The following SPOCK3 variants were observed in gnomAD, a reference collection of about 807,000 sequenced individuals.
The protein encoded by SPOCK3 is testican-3.
Under a neutral mutation model 56.6 loss-of-function variants are expected in SPOCK3, and 30 were observed. The ratio of observed to expected loss-of-function variants is 0.53; its 90% CI spans 0.40 to 0.72. SPOCK3 has a LOEUF of 0.72. SPOCK3 is among the 30% of genes least tolerant of loss of function. SPOCK3 has a pLI of 0.00. For synonymous variants in SPOCK3, 196 were observed against 183.3 expected (o/e 1.07, Z -0.56); for missense variants, 527 against 530.0 (o/e 0.99, Z 0.06).
At chr4:166,836,268 A>C (rs1466873338) in intron 6 of SPOCK3, among the ~76,000 whole-genome samples, 1 of 152,224 alleles carries the variant, frequency 6.6e-6, no homozygotes, top group East Asian at 1.9e-4. Flanking sequence ...AGAACAAAAC[A>C]GTGCAAGAAT....
At chr4:167,044,446 T>TTAG in intron 3 of SPOCK3, among the ~76,000 whole-genome samples, 1 of 145,760 alleles carries the variant, frequency 6.9e-6, no homozygotes, top group Non-Finnish European at 1.5e-5. Flanking sequence ...TACTCTATTA[T>TTAG]TTTTTTCTCC....
intron 4 of SPOCK3, among the ~76,000 whole-genome samples, chr4:166,969,278 C>T (rs1215465380): frequency 6.6e-6 from 1 of 152,122 alleles, no homozygotes; most frequent in Non-Finnish European, 1.5e-5. Flanking sequence ...GGAAGGCATG[C>T]TTGTGCTTTG....
chr4:167,198,035 A>G (rs748793021), intron 2 of SPOCK3, among the ~76,000 whole-genome samples: 4 of 152,008 alleles, frequency 2.6e-5, no homozygotes, highest in Non-Finnish European at 5.9e-5. Context: ...GTCCATCTTT[A>G]TGATATATAA....
At chr4:167,134,015 CCTTTTT>C (rs1236885264) in intron 2 of SPOCK3, among the ~76,000 whole-genome samples, 2 of 147,956 alleles carry the variant, frequency 1.4e-5, no homozygotes, top group Non-Finnish European at 1.5e-5. Context: ...AACTTTTACA[CCTTTTT>C]CTTTTTTTTT....
At chr4:166,825,563 T>C (rs1357540277) in intron 6 of SPOCK3, among the ~76,000 whole-genome samples, 1 of 151,998 alleles carries the variant, frequency 6.6e-6, no homozygotes, top group Non-Finnish European at 1.5e-5. Context: ...AAGAAATCAT[T>C]ACATGAAAAA....
At chr4:166,837,190 T>G (rs1319826741) in intron 6 of SPOCK3, among the ~76,000 whole-genome samples, 1 of 152,232 alleles carries the variant, frequency 6.6e-6, no homozygotes, top group East Asian at 1.9e-4. Context: ...GATTCTTGGC[T>G]GATTTTAGGT....
chr4:166,871,063 T>C (rs181493070), intron 6 of SPOCK3, among the ~76,000 whole-genome samples: 146 of 152,196 alleles, frequency 9.6e-4, no homozygotes, highest in African/African-American at 3.4e-3. Context: ...CGTGAGTCAA[T>C]TGAACCTCTT....
intron 3 of SPOCK3, among the ~76,000 whole-genome samples, chr4:167,058,808 G>C (rs1423932337): frequency 6.6e-6 from 1 of 152,134 alleles, no homozygotes; most frequent in African/African-American, 2.4e-5. Flanking sequence ...CAGAGATATA[G>C]ATCAATGGAA....
chr4:167,209,304 G>A (rs965692234), intron 2 of SPOCK3, among the ~76,000 whole-genome samples: 2 of 152,050 alleles, frequency 1.3e-5, no homozygotes, highest in Non-Finnish European at 2.9e-5. Flanking sequence ...TTAAATTGAA[G>A]CAAATATGTT....
chr4:166,896,803 C>T (rs1735433143), intron 5 of SPOCK3, among the ~76,000 whole-genome samples: 1 of 152,194 alleles, frequency 6.6e-6, no homozygotes, highest in Non-Finnish European at 1.5e-5. Flanking sequence ...TACATTCTTG[C>T]TGCCTTCCTC....
chr4:166,904,103 TTAC>T (rs1310700462), intron 5 of SPOCK3, among the ~76,000 whole-genome samples: 2 of 151,816 alleles, frequency 1.3e-5, no homozygotes, highest in Non-Finnish European at 2.9e-5. Flanking sequence ...TATTATATTA[TTAC>T]TTTTATATAA....
At chr4:167,076,209 T>A (rs1164279164) in intron 2 of SPOCK3, among the ~76,000 whole-genome samples, 1 of 151,920 alleles carries the variant, frequency 6.6e-6, no homozygotes, top group East Asian at 1.9e-4. Context: ...AGTGCCATAC[T>A]ATAATGGTGG....
intron 4 of SPOCK3, among the ~76,000 whole-genome samples, chr4:166,970,393 G>A (rs1454294986): frequency 6.6e-6 from 1 of 152,064 alleles, no homozygotes; most frequent in African/African-American, 2.4e-5. Context: ...TATGTTTCTT[G>A]GCATACAGAC....
At chr4:167,069,670 T>C (rs1410572579) in intron 2 of SPOCK3, among the ~76,000 whole-genome samples, 1 of 151,920 alleles carries the variant, frequency 6.6e-6, no homozygotes, top group Admixed American at 6.6e-5. Flanking sequence ...GATACACAGA[T>C]ACAGAACCTC....
intron 2 of SPOCK3, among the ~76,000 whole-genome samples, chr4:167,093,444 C>A (rs1758878570): frequency 6.6e-6 from 1 of 152,012 alleles, no homozygotes; most frequent in Non-Finnish European, 1.5e-5. Flanking sequence ...TCTCCCCTAA[C>A]CCCCCATCCC....
At chr4:167,145,590 G>C (rs1401962475) in intron 2 of SPOCK3, among the ~76,000 whole-genome samples, 2 of 151,976 alleles carry the variant, frequency 1.3e-5, no homozygotes, top group Non-Finnish European at 2.9e-5. Flanking sequence ...TCAAGAGTGT[G>C]GTTTCTCAGA....
At chr4:166,841,848 T>A (rs770032412) in intron 6 of SPOCK3, among the ~76,000 whole-genome samples, 1 of 152,144 alleles carries the variant, frequency 6.6e-6, no homozygotes, top group Non-Finnish European at 1.5e-5. Flanking sequence ...AATCGTTGGG[T>A]TCTTGGTTGC....
At chr4:167,195,555 C>A (rs1350071867) in intron 2 of SPOCK3, among the ~76,000 whole-genome samples, 1 of 152,162 alleles carries the variant, frequency 6.6e-6, no homozygotes, top group Non-Finnish European at 1.5e-5. Context: ...CAGGACCTCT[C>A]CTAGACTGGG....
intron 2 of SPOCK3, among the ~76,000 whole-genome samples, chr4:167,162,009 G>A (rs188098990): frequency 2.6e-4 from 39 of 152,054 alleles, no homozygotes; most frequent in Admixed American, 5.2e-4. Context: ...CCTGCACGTT[G>A]TGCACATGTA....
Sources: allele counts gnomAD v4.1 joint callset (sites outside exome capture counted in the v4.1 genomes callset), GRCh38; gene constraint gnomAD v4.1.1; transcripts MANE v1.5; gene names NCBI Gene and HGNC (gene_info 2026-07-23, HGNC 2026-07-21).